FAM117A: variants seen among roughly 807,000 people sequenced by gnomAD.
FAM117A encodes the protein family with sequence similarity 117 member A.
In FAM117A, 21 loss-of-function variants were observed where a neutral mutation model predicts 44.1. The observed-to-expected ratio is 0.48, with a 90% CI of 0.34 to 0.69. The LOEUF is 0.69. Among genes scored for constraint, FAM117A ranks in the 30% least tolerant of loss-of-function variants. The probability of loss-of-function intolerance (pLI) is 0.01; values close to 1 mark genes in which losing one functional copy is unlikely to be tolerated. For missense variants in FAM117A, 498 were observed against 589.9 expected, an observed-to-expected ratio of 0.84 and a Z score of 1.61; for synonymous variants, 220 against 238.3, an observed-to-expected ratio of 0.92 and a Z score of 0.71.
chr17:49,778,934 G>A (rs545452799), intron 1 of FAM117A, among the ~76,000 whole-genome samples: 1 of 152,206 alleles, frequency 6.6e-6, no homozygotes, highest in Non-Finnish European at 1.5e-5. Flanking sequence ...ATCTAGCCTG[G>A]AGGGTTCAGG....
At chr17:49,765,581 G>C (rs190580139), upstream of FAM117A, 322 of 152,324 alleles carry the variant, frequency 2.1e-3, no homozygotes, top group African/African-American at 7.1e-3. Context: ...ACATACCGAA[G>C]AAAGGTTTTC....
exon 1 of FAM117A, chr17:49,788,529 A>C: frequency 2.7e-6 from 1 of 371,412 alleles, no homozygotes. Flanking sequence ...GGGTTCCACC[A>C]CTGGAGTCAC....
At chr17:49,733,280 T>A (rs2073594148) in intron 1 of FAM117A, among the ~76,000 whole-genome samples, 1 of 152,230 alleles carries the variant, frequency 6.6e-6, no homozygotes, top group Non-Finnish European at 1.5e-5. Context: ...CTACTTTCAA[T>A]TATCGAGGAT....
intron 7 of FAM117A, 126 bp from the exon 8 acceptor site, chr17:49,711,681 G>A (rs2073479311): frequency 1.2e-6 from 1 of 856,528 alleles, no homozygotes; most frequent in Admixed American, 2.8e-5. Flanking sequence ...AACAGAATTG[G>A]AACTTGACCG....
rs891785322 is a variant in FAM117A at position 49,710,898 on chromosome 17, C to T, written c.*357G>A. On this transcript the variant is annotated 3_prime_UTR_variant, in exon 8 of 8. Coordinates refer to ENST00000240364, the MANE Select transcript of FAM117A (RefSeq NM_030802.4). ...TCTGTGGCGTCTTCTCTCCTTCGTT[C>T]ATGGCCAGCTTGCTCTGTGACAAAA... The T allele has an allele frequency of 1.6e-5, 3 of 187,990 alleles. No homozygotes were observed. The highest frequency in any genetic ancestry group is 2.4e-5 in the African/African-American group (1 of 42,462). The allele number at this position is 187,990 out of a possible 1,614,324, so 11.6% of individuals were successfully genotyped here. A position where few individuals can be genotyped will look rare whatever the true frequency, so the allele number is the denominator to read the frequency against.
chr17:49,764,864 G>C (rs1049331500), upstream of FAM117A, among the ~76,000 whole-genome samples: 19 of 152,000 alleles, frequency 1.3e-4, no homozygotes, highest in African/African-American at 4.6e-4. Flanking sequence ...ACAATTGCTA[G>C]CCTGTAAATT....
intron 1 of FAM117A, among the ~76,000 whole-genome samples, chr17:49,752,213 C>T (rs2073680463): frequency 6.6e-6 from 1 of 152,166 alleles, no homozygotes; most frequent in Non-Finnish European, 1.5e-5. Flanking sequence ...CTAGATGGAG[C>T]TTTCTCCCAG....
intron 1 of FAM117A, among the ~76,000 whole-genome samples, chr17:49,757,736 T>C (rs1159184393): frequency 2.0e-5 from 3 of 152,154 alleles, no homozygotes; most frequent in Non-Finnish European, 4.4e-5. Context: ...ATAATGTGAG[T>C]AGATTTGGCT....
intron 1 of FAM117A, among the ~76,000 whole-genome samples, chr17:49,775,179 G>T (rs925672420): frequency 2.6e-5 from 4 of 152,132 alleles, no homozygotes; most frequent in African/African-American, 9.7e-5. Flanking sequence ...GTAGAGACGG[G>T]GTTTTGCCAT....
At chr17:49,782,142 G>A (rs1191815021) in intron 1 of FAM117A, among the ~76,000 whole-genome samples, 2 of 151,874 alleles carry the variant, frequency 1.3e-5, no homozygotes, top group Admixed American at 6.6e-5. Flanking sequence ...TTGGGAGGCC[G>A]AGGTGGGCGG....
intron 1 of FAM117A, among the ~76,000 whole-genome samples, chr17:49,745,522 A>T (rs1175462022): frequency 6.6e-6 from 1 of 152,254 alleles, no homozygotes; most frequent in Non-Finnish European, 1.5e-5. Context: ...GAGCCTGACT[A>T]GCAGTGGACA....
Position 49,769,691 on chromosome 17 carries a change from C to T in FAM117A, c.-621+18806G>A, listed in dbSNP as rs1325012788. ...CTGCACTCCAGCCTGGGCGACAGAG[C>T]GAAACTCCGTCTCAAAAAATAAATA... On this transcript the variant is annotated intron_variant, in intron 1 of 7. Transcript: ENST00000513602. Among the ~76,000 whole-genome samples, 5 of 151,442 alleles carry T rather than the reference C, an allele frequency of 3.3e-5. No homozygotes were observed. The East Asian group carries it at 5.8e-4, about 18-fold the overall frequency.
At chr17:49,720,788 C>T (rs924351820) in intron 3 of FAM117A, among the ~76,000 whole-genome samples, 2 of 151,880 alleles carry the variant, frequency 1.3e-5, no homozygotes, top group African/African-American at 2.4e-5. Flanking sequence ...GGTGCGATCT[C>T]GGCTCACTGC....
chr17:49,732,913 G>A, intron 1 of FAM117A, 193 bp from the exon 2 acceptor site: 1 of 590,922 alleles, frequency 1.7e-6, no homozygotes, highest in Non-Finnish European at 3.0e-6. Context: ...TACTCAGCCA[G>A]CCTTTATCAT....
chr17:49,750,365 T>C (rs996655813), intron 1 of FAM117A, among the ~76,000 whole-genome samples: 5 of 148,752 alleles, frequency 3.4e-5, no homozygotes, highest in African/African-American at 1.2e-4. Flanking sequence ...GAGGGGAGGA[T>C]CAAGATGAAG....
intron 7 of FAM117A, among the ~76,000 whole-genome samples, chr17:49,713,151 G>A (rs531684618): frequency 6.6e-6 from 1 of 152,064 alleles, no homozygotes; most frequent in South Asian, 2.1e-4. Flanking sequence ...GCCTCCCAGA[G>A]CACTGGGATG....
chr17:49,713,146 C>T (rs938200132), intron 7 of FAM117A, among the ~76,000 whole-genome samples: 1 of 152,006 alleles, frequency 6.6e-6, no homozygotes, highest in African/African-American at 2.4e-5. Flanking sequence ...CCTTGGCCTC[C>T]CAGAGCACTG....
upstream of FAM117A, chr17:49,764,141 A>T (rs2073735973): frequency 2.3e-6 from 2 of 854,894 alleles, no homozygotes; most frequent in Non-Finnish European, 3.2e-6. Flanking sequence ...CAGCCCCCCA[A>T]CCCCCGAGGC....
At chr17:49,788,888 A>C (rs773836637), upstream of FAM117A, 1 of 1,552,676 alleles carries the variant, frequency 6.4e-7, no homozygotes, top group Non-Finnish European at 8.7e-7. Context: ...GTTTCTAAGG[A>C]CAGTCGATTG....
Sources: allele counts gnomAD v4.1 joint callset (sites outside exome capture counted in the v4.1 genomes callset), GRCh38; gene constraint gnomAD v4.1.1; transcripts MANE v1.5; gene names NCBI Gene and HGNC (gene_info 2026-07-23, HGNC 2026-07-21).